RAPGEF5: variants seen among roughly 807,000 people sequenced by gnomAD.
RAPGEF5 encodes the protein Rap guanine nucleotide exchange factor 5.
Under a neutral mutation model 125.2 loss-of-function variants are expected in RAPGEF5, and 65 were observed. That is an observed-to-expected ratio of 0.52 (90% CI 0.43 to 0.64). The LOEUF is 0.64. Ranked by LOEUF, RAPGEF5 falls within the 30% of genes least tolerant of loss-of-function variation. The probability of loss-of-function intolerance (pLI) is 0.00; values close to 1 mark genes in which losing one functional copy is unlikely to be tolerated. For synonymous variants in RAPGEF5, 391 were observed against 385.9 expected (o/e 1.01, Z -0.16); for missense variants, 958 against 1,048.1 (o/e 0.91, Z 1.19).
intron 1 of RAPGEF5, among the ~76,000 whole-genome samples, chr7:22,338,943 A>G (rs80167480): frequency 0.12 from 18,281 of 152,200 alleles, 1,393 homozygotes; most frequent in Non-Finnish European, 0.15. Flanking sequence ...AGCCAGCACC[A>G]GGGAAAGGCG....
chr7:22,205,592 G>A (rs1264060395), intron 9 of RAPGEF5, among the ~76,000 whole-genome samples: 1 of 152,178 alleles, frequency 6.6e-6, no homozygotes, highest in East Asian at 1.9e-4. Flanking sequence ...ACAAAAATCT[G>A]CATGTTTTAA....
intron 6 of RAPGEF5, among the ~76,000 whole-genome samples, chr7:22,284,511 C>T (rs542847598): frequency 2.6e-5 from 4 of 152,316 alleles, no homozygotes. Context: ...GACACTTTCC[C>T]TCAAAACTCA....
intron 1 of RAPGEF5, among the ~76,000 whole-genome samples, chr7:22,330,910 G>T (rs951097308): frequency 5.3e-5 from 8 of 152,228 alleles, no homozygotes; most frequent in East Asian, 1.9e-4. Context: ...ACTCACTCTG[G>T]GGTATGTAAA....
intron 12 of RAPGEF5, among the ~76,000 whole-genome samples, chr7:22,164,677 C>T (rs780167597): frequency 6.6e-6 from 1 of 152,086 alleles, no homozygotes; most frequent in Admixed American, 6.6e-5. Context: ...TATTAGGATA[C>T]AGACATTCTT....
Position 22,167,157 on chromosome 7 carries a change from A to G in RAPGEF5, c.1205-9T>C, listed in dbSNP as rs79048386. 12 of 1,525,836 alleles carry G rather than the reference A, an allele frequency of 7.9e-6. No homozygotes were observed. The highest frequency in any genetic ancestry group is 9.0e-6 in the Non-Finnish European group (10 of 1,116,430). The allele number at this position is 1,525,836 out of a possible 1,614,324, so 94.5% of individuals were successfully genotyped here. On this transcript the variant is annotated splice_polypyrimidine_tract_variant and intron_variant, in intron 11 of 25. Coordinates refer to ENST00000665637, the MANE Select transcript of RAPGEF5 (RefSeq NM_012294.5). ...GTCATCCAGGAGGGTCTCTGCAAAG[A>G]AAAAAAAAACAAACACAAGGTAAGC...
chr7:22,156,769 C>G, intron 16 of RAPGEF5, 41 bp downstream of exon 16: 1 of 1,611,062 alleles, frequency 6.2e-7, no homozygotes, highest in South Asian at 1.1e-5. Context: ...TGGTGGCTAA[C>G]TGCTGCCCAC....
intron 11 of RAPGEF5, among the ~76,000 whole-genome samples, chr7:22,178,165 C>T (rs10282222): frequency 0.93 from 141,218 of 152,220 alleles, 65,559 homozygotes; most frequent in East Asian, 0.99. Flanking sequence ...GTTTTTAAGA[C>T]TGACCAGTTA....
chr7:22,199,754 T>G (rs1785235618), intron 9 of RAPGEF5, among the ~76,000 whole-genome samples: 3 of 152,064 alleles, frequency 2.0e-5, no homozygotes, highest in Admixed American at 2.0e-4. Flanking sequence ...CACTCTACCC[T>G]GTGGGAGAGG....
chr7:22,236,977 T>C (rs1222946968), intron 7 of RAPGEF5, among the ~76,000 whole-genome samples: 2 of 152,224 alleles, frequency 1.3e-5, no homozygotes, highest in Non-Finnish European at 2.9e-5. Context: ...GCCAGGCCAT[T>C]AGGTCTTGGA....
intron 6 of RAPGEF5, among the ~76,000 whole-genome samples, chr7:22,284,923 T>C (rs1782761016): frequency 6.6e-6 from 1 of 152,250 alleles, no homozygotes; most frequent in Non-Finnish European, 1.5e-5. Flanking sequence ...CCTTGACTTA[T>C]GATGGGGTTA....
intron 6 of RAPGEF5, among the ~76,000 whole-genome samples, chr7:22,285,224 A>T (rs903865630): frequency 1.3e-5 from 2 of 152,174 alleles, no homozygotes; most frequent in Non-Finnish European, 2.9e-5. Flanking sequence ...TCAAAATTCA[A>T]AATTTGAAGT....
intron 7 of RAPGEF5, among the ~76,000 whole-genome samples, chr7:22,256,026 C>T (rs1229300243): frequency 2.0e-5 from 3 of 152,084 alleles, no homozygotes; most frequent in African/African-American, 7.2e-5. Context: ...CAAACAATTC[C>T]TTCTGGGGTG....
chr7:22,233,405 T>G (rs1786108832), intron 7 of RAPGEF5, among the ~76,000 whole-genome samples: 1 of 152,232 alleles, frequency 6.6e-6, no homozygotes, highest in Non-Finnish European at 1.5e-5. Flanking sequence ...TCAGAATATT[T>G]TAGCCTACTG....
intron 1 of RAPGEF5, among the ~76,000 whole-genome samples, chr7:22,349,544 G>T (rs1170950919): frequency 6.6e-6 from 1 of 151,708 alleles, no homozygotes; most frequent in African/African-American, 2.4e-5. Context: ...TATTTAAGGT[G>T]ATCAATATCC....
At chr7:22,266,614 C>T (rs1782288618) in intron 7 of RAPGEF5, among the ~76,000 whole-genome samples, 1 of 152,026 alleles carries the variant, frequency 6.6e-6, no homozygotes, top group Non-Finnish European at 1.5e-5. Context: ...ACCCATTGTC[C>T]TTTGTCATTA....
intron 2 of RAPGEF5, among the ~76,000 whole-genome samples, chr7:22,317,713 C>T (rs2128155057): frequency 6.6e-6 from 1 of 152,266 alleles, no homozygotes; most frequent in South Asian, 2.1e-4. Flanking sequence ...TATACATGCT[C>T]TGCCACATTA....
At chr7:22,175,434 C>T (rs1784473551) in intron 11 of RAPGEF5, among the ~76,000 whole-genome samples, 1 of 152,164 alleles carries the variant, frequency 6.6e-6, no homozygotes, top group Admixed American at 6.5e-5. Flanking sequence ...TTAGTAAGAG[C>T]AGTTGCTCTC....
At chr7:22,216,833 C>G (rs772095626) in intron 9 of RAPGEF5, among the ~76,000 whole-genome samples, 1 of 152,192 alleles carries the variant, frequency 6.6e-6, no homozygotes, top group African/African-American at 2.4e-5. Flanking sequence ...TTCAGAAACA[C>G]CTTGGCAAAA....
intron 7 of RAPGEF5, among the ~76,000 whole-genome samples, chr7:22,244,326 C>G (rs959318868): frequency 6.6e-6 from 1 of 152,128 alleles, no homozygotes; most frequent in Non-Finnish European, 1.5e-5. Context: ...CCCCACGCCA[C>G]GGACTGGTGC....
Sources: allele counts gnomAD v4.1 joint callset (sites outside exome capture counted in the v4.1 genomes callset), GRCh38; gene constraint gnomAD v4.1.1; transcripts MANE v1.5; gene names NCBI Gene and HGNC (gene_info 2026-07-23, HGNC 2026-07-21).